SCAMP1: variants seen among roughly 807,000 people sequenced by gnomAD.
The protein encoded by SCAMP1 is secretory carrier-associated membrane protein 1.
SCAMP1 carries 15 observed loss-of-function variants against 41.8 expected under a neutral mutation model. The ratio of observed to expected loss-of-function variants is 0.36; its 90% confidence interval spans 0.24 to 0.55. The LOEUF (loss-of-function observed/expected upper bound fraction) is 0.55. Ranked by LOEUF, SCAMP1 falls within the 20% of genes least tolerant of loss-of-function variation. The pLI is 0.86. For missense variants in SCAMP1, 341 were observed against 412.6 expected (o/e 0.83, Z 1.50); for synonymous variants, 135 against 136.8 (o/e 0.99, Z 0.09).
chr5:78,377,063 T>G (rs982072394), intron 1 of SCAMP1, among the ~76,000 whole-genome samples: 1 of 152,054 alleles, frequency 6.6e-6, no homozygotes. Flanking sequence ...TTTGCTTCCC[T>G]TTTCCTTTTT....
At chr5:78,471,714 T>G (rs930408956) in intron 8 of SCAMP1, among the ~76,000 whole-genome samples, 1 of 152,192 alleles carries the variant, frequency 6.6e-6, no homozygotes, top group African/African-American at 2.4e-5. Flanking sequence ...GAGGCAGGAC[T>G]CCTTTATGGA....
chr5:78,465,887 C>CGA (rs1452011740), intron 8 of SCAMP1, among the ~76,000 whole-genome samples: 1 of 152,176 alleles, frequency 6.6e-6, no homozygotes, highest in African/African-American at 2.4e-5. Flanking sequence ...TAAGGCCTTT[C>CGA]AACAGATTGG....
At chr5:78,394,625 A>T (rs759458162) in intron 2 of SCAMP1, among the ~76,000 whole-genome samples, 1 of 152,184 alleles carries the variant, frequency 6.6e-6, no homozygotes. Context: ...CATCTTTAAT[A>T]CTGCCAAAGC....
rs1045014335 is a variant in SCAMP1 at position 78,477,699 on chromosome 5, A to G, written c.*2031A>G. The G allele has an allele frequency of 6.6e-6, 1 of 152,160 alleles. No individual in the cohort carries two copies. Among genetic ancestry groups the G allele is most frequent in the African/African-American group, 2.4e-5 (1 of 41,472 alleles). 9.4% of individuals were successfully genotyped at this position (152,160 alleles called of 1,614,324 possible). A position where few individuals can be genotyped will look rare whatever the true frequency, so the allele number is the denominator to read the frequency against. ...ATAGCAAAGAATAATTAGAACCCAC[A>G]TATCTTTTTTTGTGTGGATGGGGAA... On this transcript the variant is annotated 3_prime_UTR_variant, in exon 9 of 9. Coordinates refer to ENST00000621999, the MANE Select transcript of SCAMP1 (RefSeq NM_004866.6).
At chr5:78,434,418 T>C (rs1018501204) in intron 6 of SCAMP1, among the ~76,000 whole-genome samples, 2 of 152,178 alleles carry the variant, frequency 1.3e-5, no homozygotes, top group African/African-American at 4.8e-5. Flanking sequence ...TTTTCCACTT[T>C]TCTACGTCCT....
chr5:78,423,925 A>G (rs1580683627), intron 6 of SCAMP1, among the ~76,000 whole-genome samples: 1 of 151,560 alleles, frequency 6.6e-6, no homozygotes, highest in Middle Eastern at 3.4e-3. Context: ...GTTCACTGCA[A>G]CCTCTGCCTC....
chr5:78,459,652 C>G (rs184255754), intron 8 of SCAMP1, among the ~76,000 whole-genome samples: 1 of 151,940 alleles, frequency 6.6e-6, no homozygotes, highest in Admixed American at 6.6e-5. Flanking sequence ...TAAATATACT[C>G]TAAATTTCTT....
At chr5:78,427,492 A>G (rs1028572947) in intron 6 of SCAMP1, among the ~76,000 whole-genome samples, 11 of 152,118 alleles carry the variant, frequency 7.2e-5, no homozygotes, top group African/African-American at 2.4e-4. Flanking sequence ...AAGTCTGTCT[A>G]TGGCCATATA....
At chr5:78,439,450 A>G (rs914751372) in intron 6 of SCAMP1, among the ~76,000 whole-genome samples, 3 of 151,812 alleles carry the variant, frequency 2.0e-5, no homozygotes, top group Non-Finnish European at 4.4e-5. Context: ...TCTGTAAAGT[A>G]TTTTATTTCT....
At chr5:78,455,376 A>G (rs1753363816) in intron 7 of SCAMP1, among the ~76,000 whole-genome samples, 1 of 126,144 alleles carries the variant, frequency 7.9e-6, no homozygotes, top group Admixed American at 7.5e-5. Flanking sequence ...AGATTCTGGT[A>G]TGCTGTGTCT....
intron 6 of SCAMP1, 139 bp downstream of exon 6, chr5:78,422,099 A>G (rs1227593453): frequency 1.1e-5 from 7 of 659,184 alleles, no homozygotes; most frequent in African/African-American, 1.8e-5. Context: ...GGAAAGTTCA[A>G]TATAGCATGC....
chr5:78,366,777 A>G (rs1750806483), intron 1 of SCAMP1, among the ~76,000 whole-genome samples: 1 of 152,100 alleles, frequency 6.6e-6, no homozygotes, highest in African/African-American at 2.4e-5. Flanking sequence ...CTTGAACCCA[A>G]GAGTTTGAGA....
chr5:78,466,151 G>A (rs1753739962), intron 8 of SCAMP1, among the ~76,000 whole-genome samples: 1 of 152,226 alleles, frequency 6.6e-6, no homozygotes, highest in Admixed American at 6.5e-5. Context: ...TTTGAGTATA[G>A]TAGAGGGTTT....
Position 78,360,722 on chromosome 5 carries a change from C to A in SCAMP1, c.51C>A (p.Pro17=). 6.2e-7 allele frequency: 1 copy of A among 1,608,754 alleles called. No homozygotes were observed. Among genetic ancestry groups the A allele is most frequent in the East Asian group, 2.3e-5 (1 of 44,444 alleles). Residue 17 remains proline, a synonymous_variant, in exon 1 of 9, where the codon CCC becomes CCA. Coordinates refer to ENST00000621999, the MANE Select transcript of SCAMP1 (RefSeq NM_004866.6). ...NPFADPDLNN[P]FKDPSVTQVT... ...TTGCCGACCCGGATCTCAACAATCC[C>A]TTCAAGGTGAGCTTCGGCCCCAGCA...
intron 1 of SCAMP1, 150 bp downstream of exon 1, chr5:78,360,878 C>T (rs1750626547): frequency 2.8e-6 from 2 of 720,070 alleles, no homozygotes; most frequent in African/African-American, 1.8e-5. Context: ...TTTGGGGTCG[C>T]GCCCCGGCCC....
chr5:78,449,800 T>C, intron 6 of SCAMP1, 133 bp from the exon 7 acceptor site: 1 of 554,056 alleles, frequency 1.8e-6, no homozygotes, highest in South Asian at 2.8e-5. Context: ...TTGCCACTTT[T>C]TTTTGTTTGT....
intron 2 of SCAMP1, among the ~76,000 whole-genome samples, chr5:78,399,471 C>T (rs1412429410): frequency 6.6e-6 from 1 of 152,232 alleles, no homozygotes; most frequent in Non-Finnish European, 1.5e-5. Context: ...TACATCCTCT[C>T]CAACATTTGG....
intron 2 of SCAMP1, among the ~76,000 whole-genome samples, chr5:78,402,268 G>A (rs1245394056): frequency 1.3e-5 from 2 of 150,926 alleles, no homozygotes; most frequent in African/African-American, 4.9e-5. Context: ...AGTGTTCCAT[G>A]TGAACTTGAG....
chr5:78,371,140 T>C (rs1750934303), intron 1 of SCAMP1, among the ~76,000 whole-genome samples: 1 of 152,188 alleles, frequency 6.6e-6, no homozygotes, highest in African/African-American at 2.4e-5. Context: ...CTTGATAACA[T>C]CTTTTGAAGC....
Sources: allele counts gnomAD v4.1 joint callset (sites outside exome capture counted in the v4.1 genomes callset), GRCh38; gene constraint gnomAD v4.1.1; transcripts MANE v1.5; gene names NCBI Gene and HGNC (gene_info 2026-07-23, HGNC 2026-07-21).